Variants in GRIN2A observed in about 807,000 individuals in gnomAD.
GRIN2A encodes glutamate receptor ionotropic, NMDA 2A.
In GRIN2A, 22 loss-of-function variants were observed where a neutral mutation model predicts 113.4. That is an observed-to-expected ratio of 0.19 (90% confidence interval 0.14 to 0.28). The LOEUF (loss-of-function observed/expected upper bound fraction) is 0.28, where lower values mean the gene tolerates loss of function less well. Among genes scored for constraint, GRIN2A ranks in the 10% least tolerant of loss-of-function variants. The pLI, the probability that GRIN2A is intolerant of heterozygous loss-of-function variation, is 1.00. For missense variants in GRIN2A, 1,502 were observed against 1,887.0 expected (o/e 0.80, Z 3.78); for synonymous variants, 827 against 738.4 (o/e 1.12, Z -1.94).
At chr16:9,812,119 T>TA (rs1391970685) in intron 10 of GRIN2A, among the ~76,000 whole-genome samples, 1 of 152,206 alleles carries the variant, frequency 6.6e-6, no homozygotes, top group African/African-American at 2.4e-5. Flanking sequence ...TCATATTTTT[T>TA]ATTTTTTTTA....
At chr16:9,955,652 G>A (rs1292799337) in intron 2 of GRIN2A, among the ~76,000 whole-genome samples, 3 of 152,204 alleles carry the variant, frequency 2.0e-5, no homozygotes, top group Admixed American at 2.0e-4. Flanking sequence ...CAGAAAGGCA[G>A]GGGCTATGTG....
At chr16:9,986,561 G>A (rs1037360957) in intron 2 of GRIN2A, among the ~76,000 whole-genome samples, 3 of 151,906 alleles carry the variant, frequency 2.0e-5, no homozygotes, top group South Asian at 4.1e-4. Flanking sequence ...TCAGGAGTTC[G>A]AGACCAGTCT....
At chr16:10,100,704 G>A (rs1422999529) in intron 2 of GRIN2A, among the ~76,000 whole-genome samples, 1 of 152,170 alleles carries the variant, frequency 6.6e-6, no homozygotes, top group East Asian at 1.9e-4. Context: ...GTTATTTGAA[G>A]GCATAGTGCC....
chr16:10,144,977 T>A (rs2049408752), intron 2 of GRIN2A, among the ~76,000 whole-genome samples: 2 of 142,358 alleles, frequency 1.4e-5, no homozygotes, highest in Non-Finnish European at 3.1e-5. Flanking sequence ...GACATATTTA[T>A]ACAATGGAAA....
chr16:9,826,200 C>A (rs539826330), intron 9 of GRIN2A, among the ~76,000 whole-genome samples: 2 of 152,118 alleles, frequency 1.3e-5, no homozygotes, highest in Admixed American at 6.5e-5. Flanking sequence ...GAAGGCCAAT[C>A]ATATGGCAAG....
At chr16:9,783,897 C>T (rs1169618007) in intron 11 of GRIN2A, among the ~76,000 whole-genome samples, 1 of 152,122 alleles carries the variant, frequency 6.6e-6, no homozygotes, top group African/African-American at 2.4e-5. Flanking sequence ...CATGTTCTCA[C>T]TTTCAAGGGA....
At chr16:10,165,727 AGGGGAGAAAGGAGG>A (rs1596570387) in intron 2 of GRIN2A, among the ~76,000 whole-genome samples, 1 of 44,686 alleles carries the variant, frequency 2.2e-5, no homozygotes, top group Non-Finnish European at 3.9e-5. Context: ...AAAGGAGGGG[AGGGGAGAAAGGAGG>A]GGAGGGGAGA....
intron 2 of GRIN2A, among the ~76,000 whole-genome samples, chr16:10,172,042 G>C (rs1443759249): frequency 1.3e-5 from 2 of 152,190 alleles, no homozygotes; most frequent in African/African-American, 4.8e-5. Context: ...CCACCCCAAA[G>C]ATAACTGCTA....
At chr16:9,924,478 A>G (rs36009301) in intron 3 of GRIN2A, among the ~76,000 whole-genome samples, 34,173 of 152,148 alleles carry the variant, frequency 0.22, 4,216 homozygotes, top group Middle Eastern at 0.28. Flanking sequence ...CAACTGTGGT[A>G]TATCTTTTTA....
chr16:10,081,931 T>TA (rs1170571761), intron 2 of GRIN2A, among the ~76,000 whole-genome samples: 7 of 152,214 alleles, frequency 4.6e-5, no homozygotes, highest in African/African-American at 1.7e-4. Flanking sequence ...GAAATAGTTG[T>TA]AGTCCTGGAG....
intron 10 of GRIN2A, among the ~76,000 whole-genome samples, chr16:9,805,238 T>G (rs1416106484): frequency 6.6e-6 from 1 of 152,208 alleles, no homozygotes; most frequent in African/African-American, 2.4e-5. Context: ...ATCAAAAGTT[T>G]CCGGTTTTAG....
intron 3 of GRIN2A, among the ~76,000 whole-genome samples, chr16:9,927,353 G>A (rs1415557670): frequency 2.0e-5 from 3 of 152,044 alleles, no homozygotes; most frequent in Admixed American, 2.0e-4. Context: ...ACCATTATTG[G>A]CCCAAGATGG....
intron 4 of GRIN2A, among the ~76,000 whole-genome samples, chr16:9,856,805 A>G (rs1208728162): frequency 2.0e-5 from 3 of 151,802 alleles, no homozygotes; most frequent in Non-Finnish European, 4.4e-5. Context: ...TAATTGTCCA[A>G]TTCATATGGC....
intron 3 of GRIN2A, among the ~76,000 whole-genome samples, chr16:9,904,320 C>A (rs1396021924): frequency 1.3e-5 from 2 of 152,138 alleles, no homozygotes; most frequent in East Asian, 3.9e-4. Flanking sequence ...AAAGTGTACT[C>A]ACATGGTGGA....
intron 4 of GRIN2A, among the ~76,000 whole-genome samples, chr16:9,856,317 A>G (rs559760280): frequency 1.3e-5 from 2 of 152,252 alleles, no homozygotes; most frequent in African/African-American, 4.8e-5. Context: ...TAAAGGTTAC[A>G]ACAAGGCCAC....
At chr16:9,788,594 C>T (rs1902388888) in intron 11 of GRIN2A, among the ~76,000 whole-genome samples, 2 of 151,820 alleles carry the variant, frequency 1.3e-5, no homozygotes, top group Admixed American at 1.3e-4. Context: ...ATTACCACCT[C>T]CTTCTCCTTT....
Position 9,836,287 on chromosome 16 carries a change from A to ACTGGAATCCAGGATTACTGG in GRIN2A, c.1652-2058_1652-2057insCCAGTAATCCTGGATTCCAG, listed in dbSNP as rs1487810479. 3.9e-5 allele frequency among the ~76,000 whole-genome samples: 6 copies of ACTGGAATCCAGGATTACTGG among 152,374 alleles called. No individual in the cohort carries two copies. The South Asian group carries it at 1.0e-3, about 26-fold the overall frequency. ...GGAATAGCTGTGTGATTCCAGGATT[A>ACTGGAATCCAGGATTACTGG]AAGCCAGAAATACTGGGGCAACAAT... On this transcript the variant is annotated intron_variant, in intron 7 of 12. Coordinates refer to ENST00000330684, the MANE Select transcript of GRIN2A (RefSeq NM_001134407.3).
intron 2 of GRIN2A, among the ~76,000 whole-genome samples, chr16:10,153,447 A>G (rs10438517): frequency 0.21 from 32,569 of 152,042 alleles, 4,086 homozygotes; most frequent in African/African-American, 0.35. Context: ...GACAGTGATG[A>G]AGTCATTTCA....
chr16:10,071,207 C>T (rs72774121), intron 2 of GRIN2A, among the ~76,000 whole-genome samples: 13,979 of 152,170 alleles, frequency 0.092, 723 homozygotes, highest in Non-Finnish European at 0.11. Context: ...TAGTTAGAGG[C>T]TTTATAAAGG....
Sources: allele counts gnomAD v4.1 joint callset (sites outside exome capture counted in the v4.1 genomes callset), GRCh38; gene constraint gnomAD v4.1.1; transcripts MANE v1.5; gene names NCBI Gene and HGNC (gene_info 2026-07-23, HGNC 2026-07-21).